The following FAM135B variants were observed in gnomAD, a reference collection of about 807,000 sequenced individuals.
FAM135B encodes family with sequence similarity 135 member B, also known as protein FAM135B.
FAM135B carries 43 observed loss-of-function variants against 127.7 expected under a neutral mutation model. The ratio of observed to expected loss-of-function variants is 0.34; its 90% CI spans 0.26 to 0.43. The LOEUF is 0.43. FAM135B is among the 20% of genes least tolerant of loss of function. The pLI, the probability that FAM135B is intolerant of heterozygous loss-of-function variation, is 1.00. For synonymous variants in FAM135B, 670 were observed against 665.1 expected (o/e 1.01, Z -0.11); for missense variants, 1,558 against 1,725.6 (o/e 0.90, Z 1.72).
rs545645370 is a variant in FAM135B at position 138,347,556 on chromosome 8, CACAAAG to C, written c.77+20345_77+20350del. Among the ~76,000 whole-genome samples the C allele has an allele frequency of 4.9e-3, 742 of 152,342 alleles. 4 individuals carry two copies. The highest frequency in any genetic ancestry group is 0.017 in the African/African-American group (695 of 41,588). ...GGAATGGTGCCCAGTCAGGATTGCA[CACAAAG>C]ACAGTCTGCTGCTTTTATAATTAAC... is the stretch of plus-strand genomic sequence containing the variant. On this transcript the variant is annotated intron_variant, in intron 2 of 19. Coordinates refer to ENST00000395297, the MANE Select transcript of FAM135B (RefSeq NM_015912.4).
intron 2 of FAM135B, among the ~76,000 whole-genome samples, chr8:138,348,132 T>TC (rs958202145): frequency 1.1e-5 from 1 of 94,622 alleles, no homozygotes; most frequent in African/African-American, 4.5e-5. Flanking sequence ...CTCCTCTTTT[T>TC]TTTTTTTTTT....
At chr8:138,489,193 C>T (rs1310351490) in intron 1 of FAM135B, among the ~76,000 whole-genome samples, 1 of 152,172 alleles carries the variant, frequency 6.6e-6, no homozygotes, top group Admixed American at 6.5e-5. Flanking sequence ...ACCTGAAACT[C>T]CACGCATTCA....
intron 1 of FAM135B, among the ~76,000 whole-genome samples, chr8:138,409,530 G>T: frequency 6.6e-6 from 1 of 152,214 alleles, no homozygotes; most frequent in Non-Finnish European, 1.5e-5. Flanking sequence ...TGGAGGCAGG[G>T]TTGCCACAAA....
intron 1 of FAM135B, among the ~76,000 whole-genome samples, chr8:138,469,302 T>C (rs1403118874): frequency 6.6e-6 from 1 of 152,004 alleles, no homozygotes; most frequent in Non-Finnish European, 1.5e-5. Context: ...AGGAACTCGA[T>C]GATGAAGGGT....
At chr8:138,163,430 C>T (rs78156753) in intron 12 of FAM135B, among the ~76,000 whole-genome samples, 6 of 152,050 alleles carry the variant, frequency 3.9e-5, no homozygotes, top group East Asian at 1.9e-4. Context: ...GGCTGTGTCC[C>T]CACCCAAACC....
chr8:138,370,100 A>C (rs1367520779), intron 1 of FAM135B, among the ~76,000 whole-genome samples: 1 of 152,194 alleles, frequency 6.6e-6, no homozygotes, highest in Non-Finnish European at 1.5e-5. Flanking sequence ...CCACACAGAC[A>C]GTGGTGCTGT....
intron 3 of FAM135B, among the ~76,000 whole-genome samples, chr8:138,283,738 A>C (rs1373852252): frequency 2.6e-5 from 4 of 152,140 alleles, no homozygotes; most frequent in Non-Finnish European, 4.4e-5. Flanking sequence ...GTATTTCTGC[A>C]CCACTAGCTT....
intron 1 of FAM135B, among the ~76,000 whole-genome samples, chr8:138,405,783 C>G (rs1347760553): frequency 6.6e-6 from 1 of 151,976 alleles, no homozygotes; most frequent in African/African-American, 2.4e-5. Flanking sequence ...CCTGAGGAAT[C>G]GCCACACTGA....
At position 138,328,877 on chromosome 8, in the gene FAM135B, T is replaced by C. The variant is rs528905439; in HGVS notation, c.78-17957A>G. 6.6e-5 allele frequency among the ~76,000 whole-genome samples: 10 copies of C among 152,300 alleles called. No homozygotes were observed. In the South Asian group the frequency reaches 2.1e-3, roughly 32 times the overall value. On this transcript the variant is annotated intron_variant, in intron 2 of 19. Transcript: ENST00000395297. ...GCCACAGCCCAGAGAAAGTCTTCAATAGTTATGAGACTATTTGATGCAAGG... is the reference window on the plus strand; with the variant it reads ...GCCACAGCCCAGAGAAAGTCTTCAACAGTTATGAGACTATTTGATGCAAGG...
chr8:138,487,323 A>G (rs1815019941), intron 1 of FAM135B, among the ~76,000 whole-genome samples: 1 of 151,954 alleles, frequency 6.6e-6, no homozygotes. Context: ...TAGGAGATCC[A>G]TACCTTCCCG....
chr8:138,394,951 A>T (rs957002248), intron 1 of FAM135B, among the ~76,000 whole-genome samples: 7 of 152,316 alleles, frequency 4.6e-5, no homozygotes, highest in Non-Finnish European at 8.8e-5. Context: ...CAGCCATCAG[A>T]GGCAAATCAT....
At chr8:138,491,245 T>C (rs1815188608) in intron 1 of FAM135B, among the ~76,000 whole-genome samples, 1 of 151,388 alleles carries the variant, frequency 6.6e-6, no homozygotes, top group African/African-American at 2.4e-5. Context: ...AATTAAAACA[T>C]AGGGCAAGAC....
At chr8:138,227,911 A>G (rs76928698) in intron 7 of FAM135B, among the ~76,000 whole-genome samples, 2 of 152,158 alleles carry the variant, frequency 1.3e-5, no homozygotes, top group African/African-American at 4.8e-5. Context: ...CAATGAAAAA[A>G]TAACTGCATA....
At position 138,497,189 on chromosome 8, in the gene FAM135B, G is replaced by A. The variant is rs1815430905; in HGVS notation, c.-538C>T. On this transcript the variant is annotated 5_prime_UTR_variant, in exon 1 of 20. Transcript: ENST00000395297. ...GCGCCGCGCGCCCTCGCGGCCGGGA[G>A]AGCCCGCCCTGCTGCTCCCGCTGGC... 6.6e-6 allele frequency among the ~76,000 whole-genome samples: 1 copy of A among 151,066 alleles called. No individual in the cohort carries two copies. Among genetic ancestry groups the A allele is most frequent in the Admixed American group, 6.6e-5 (1 of 15,168 alleles).
At chr8:138,432,691 C>T (rs2131511972) in intron 1 of FAM135B, among the ~76,000 whole-genome samples, 1 of 152,178 alleles carries the variant, frequency 6.6e-6, no homozygotes, top group East Asian at 1.9e-4. Context: ...AGATATTTTG[C>T]TCTTTCATCT....
At chr8:138,225,408 T>C (rs1463526526) in intron 7 of FAM135B, among the ~76,000 whole-genome samples, 1 of 150,308 alleles carries the variant, frequency 6.7e-6, no homozygotes, top group Non-Finnish European at 1.5e-5. Context: ...GACTTCTCAG[T>C]CTCCAAGACT....
intron 1 of FAM135B, among the ~76,000 whole-genome samples, chr8:138,415,287 C>T (rs1834077455): frequency 6.6e-6 from 1 of 152,116 alleles, no homozygotes; most frequent in South Asian, 2.1e-4. Context: ...AGTTGGTGGG[C>T]TATGTTACCA....
Position 138,496,508 on chromosome 8 carries a change from G to A in FAM135B, c.-20+163C>T, listed in dbSNP as rs1012685286. On this transcript the variant is annotated intron_variant, in intron 1 of 19. Coordinates refer to ENST00000395297, the MANE Select transcript of FAM135B (RefSeq NM_015912.4). ...TGTCCAGATGTGCAGCAAACCTGGA[G>A]GGCAGAGAGACTGGGGAAAATCGAG... 3.3e-5 allele frequency among the ~76,000 whole-genome samples: 5 copies of A among 152,318 alleles called. No individual in the cohort carries two copies. In the South Asian group the frequency reaches 6.2e-4, roughly 19 times the overall value.
At position 138,185,875 on chromosome 8, in the gene FAM135B, C is replaced by A. The variant is rs968016872; in HGVS notation, c.874-7185G>T. Among the ~76,000 whole-genome samples the A allele has an allele frequency of 4.6e-5, 7 of 152,302 alleles. No homozygotes were observed. In the East Asian group the frequency reaches 9.7e-4, roughly 21 times the overall value. ...CTGCAGGTCCTCTGTGAGGAGTACA[C>A]CCCACTTCCTAATCAGGCTTCACAG... On this transcript the variant is annotated intron_variant, in intron 9 of 19. Transcript: ENST00000395297.
Sources: allele counts gnomAD v4.1 joint callset (sites outside exome capture counted in the v4.1 genomes callset), GRCh38; gene constraint gnomAD v4.1.1; transcripts MANE v1.5; gene names NCBI Gene and HGNC (gene_info 2026-07-23, HGNC 2026-07-21).